KIF21B: variants seen among roughly 807,000 people sequenced by gnomAD.
KIF21B encodes kinesin family member 21B.
KIF21B carries 85 observed loss-of-function variants against 192.9 expected under a neutral mutation model. The ratio of observed to expected loss-of-function variants is 0.44; its 90% CI spans 0.37 to 0.53. KIF21B has a LOEUF of 0.53. Ranked by LOEUF, KIF21B falls within the 20% of genes least tolerant of loss-of-function variation. The pLI is 0.00. For missense variants in KIF21B, 1,716 were observed against 2,194.8 expected (o/e 0.78, Z 4.36); for synonymous variants, 832 against 884.6 (o/e 0.94, Z 1.05).
chr1:200,990,865 T>C lies in KIF21B; in HGVS notation c.2687+52A>G. ...TCTTCCTCACCCTGGCCCTGCCCCA[T>C]ATTCCCACCCCCTCTGCCTGCACAG... On this transcript the variant is annotated intron_variant, in intron 18 of 34. Coordinates refer to ENST00000461742, the MANE Select transcript of KIF21B (RefSeq NM_001252102.2). The surrounding 1 kb of genome is among the most constrained non-coding windows in gnomAD (Gnocchi z 5.4). 6.2e-7 allele frequency: 1 copy of C among 1,608,132 alleles called. No individual in the cohort carries two copies. The highest frequency in any genetic ancestry group is 8.5e-7 in the Non-Finnish European group (1 of 1,175,160).
rs532685076 is a variant in KIF21B, at chr1:200,970,856, C to T, written c.*2665G>A. 6.6e-6 allele frequency: 1 copy of T among 152,504 alleles called. No homozygotes were observed. The highest frequency in any genetic ancestry group is 1.9e-4 in the East Asian group (1 of 5,294). The allele number at this position is 152,504 out of a possible 1,614,324, so 9.4% of individuals were successfully genotyped here. ...AGATGTGGCTGGGCCTGACAAGGCTCAGCCTCCAGTCTTAAGATGGGCACA... is the reference window on the plus strand; with the variant it reads ...AGATGTGGCTGGGCCTGACAAGGCTTAGCCTCCAGTCTTAAGATGGGCACA... On this transcript the variant is annotated 3_prime_UTR_variant, in exon 35 of 35. Transcript: ENST00000461742.
chr1:200,982,889 C>CA lies in KIF21B; in HGVS notation c.3842+166dup, dbSNP rs1656034428. Among the ~76,000 whole-genome samples, 1 of 152,104 alleles carries CA rather than the reference C, an allele frequency of 6.6e-6. No individual in the cohort carries two copies. Among genetic ancestry groups the CA allele is most frequent in the Non-Finnish European group, 1.5e-5 (1 of 68,012 alleles). On this transcript the variant is annotated intron_variant, in intron 28 of 34. Coordinates refer to ENST00000461742, the MANE Select transcript of KIF21B (RefSeq NM_001252102.2). This position sits in a 1 kb window ranked among gnomAD's most constrained non-coding sequence, Gnocchi z 4.7. ...TGTGGCCACCCTGAGAGAGAGGAACCATGGGGGCAGGAACAGGTCTGGAGA... is the reference window on the plus strand; with the variant it reads ...TGTGGCCACCCTGAGAGAGAGGAACCAATGGGGGCAGGAACAGGTCTGGAGA...
At position 200,969,970 on chromosome 1, in the gene KIF21B, G is replaced by T. The variant is rs1655136997; in HGVS notation, c.*3551C>A. 6.6e-6 allele frequency: 1 copy of T among 152,622 alleles called. No homozygotes were observed. The highest frequency in any genetic ancestry group is 2.1e-4 in the South Asian group (1 of 4,836). 9.5% of individuals were successfully genotyped at this position (152,622 alleles called of 1,614,324 possible). ...GAGCAGCAAGCAGTTGCCTGTTTGG[G>T]ATGGCAAAGGGACACATACCACAGG... On this transcript the variant is annotated 3_prime_UTR_variant, in exon 35 of 35. Transcript: ENST00000461742.
chr1:201,012,297 C>A (rs1658280542), intron 1 of KIF21B, among the ~76,000 whole-genome samples: 1 of 152,104 alleles, frequency 6.6e-6, no homozygotes, highest in Non-Finnish European at 1.5e-5. Flanking sequence ...GGGGCATGGA[C>A]CCTGGTTGAG....
intron 3 of KIF21B, among the ~76,000 whole-genome samples, chr1:201,007,367 CACACAGAG>C (rs1657934179): frequency 1.0e-5 from 1 of 100,440 alleles, no homozygotes; most frequent in Non-Finnish European, 2.2e-5. Context: ...CACACACACA[CACACAGAG>C]ACAGAGACAC....
At position 200,999,978 on chromosome 1, in the gene KIF21B, A is replaced by G; in HGVS notation, c.1686-14T>C. The G allele has an allele frequency of 6.2e-7, 1 of 1,612,786 alleles. No homozygotes were observed. The highest frequency in any genetic ancestry group is 1.1e-5 in the South Asian group (1 of 91,060). ...TCCTTCTCGGGGCTGCTCAGGGAGGACAGGGAAGCTGGATTAGGAAGGCTG... is the reference window on the plus strand; with the variant it reads ...TCCTTCTCGGGGCTGCTCAGGGAGGGCAGGGAAGCTGGATTAGGAAGGCTG... On this transcript the variant is annotated splice_polypyrimidine_tract_variant and intron_variant, in intron 11 of 34. Transcript: ENST00000461742. This position sits in a 1 kb window ranked among gnomAD's most constrained non-coding sequence, Gnocchi z 4.7.
chr1:200,987,020 CTGACGG>C lies in KIF21B; in HGVS notation c.3584_3589del (p.Thr1195_Val1196del), dbSNP rs1461190349. The C allele has an allele frequency of 6.2e-7, 1 of 1,614,116 alleles. No individual in the cohort carries two copies. Among genetic ancestry groups the C allele is most frequent in the South Asian group, 1.1e-5 (1 of 91,076 alleles). On this transcript the variant is annotated inframe_deletion, in exon 25 of 35. Coordinates refer to ENST00000461742, the MANE Select transcript of KIF21B (RefSeq NM_001252102.2). ...CAAAGTGCTGCCCCGGGTAGGCAGA[CTGACGG>C]TGCGCGAGACCCTGTCCCGGTAATA...
chr1:200,973,453 C>A lies in KIF21B; in HGVS notation c.*68G>T. 1 of 1,384,722 alleles carries A rather than the reference C, an allele frequency of 7.2e-7. No homozygotes were observed. The highest frequency in any genetic ancestry group is 9.3e-7 in the Non-Finnish European group (1 of 1,077,672). 85.8% of individuals were successfully genotyped at this position (1,384,722 alleles called of 1,614,324 possible). On this transcript the variant is annotated 3_prime_UTR_variant, in exon 35 of 35. Coordinates refer to ENST00000461742, the MANE Select transcript of KIF21B (RefSeq NM_001252102.2). ...GCAGCTGGCCCCATCGGCCGGGTCA[C>A]AGCTTCCCTTCCATGGTGTCCAGGC...
At position 200,987,138 on chromosome 1, in the gene KIF21B, C is replaced by T; in HGVS notation, c.3472G>A (p.Asp1158Asn). ...TTGGTGATGTTCTTGGTGGAGATAT[C>T]CAGTGGGGGGCCCAGGCACTCAGCC... is the stretch of plus-strand genomic sequence containing the variant. Reference protein sequence around the residue: ...VSAECLGPPLDISTKNITKSL... With the variant: ...VSAECLGPPLNISTKNITKSL... Residue 1158 changes from aspartate to asparagine, a missense_variant, in exon 25 of 35, where the codon GAT becomes AAT. Asp to Asn is a conservative substitution (Grantham distance 23, BLOSUM62 1). Around this residue, in one of 3 missense-constraint regions of KIF21B, gnomAD observed 580 missense variants for 775.5 expected, o/e 0.75. Transcript: ENST00000461742. The T allele has an allele frequency of 1.2e-6, 2 of 1,614,050 alleles. No homozygotes were observed. The highest frequency in any genetic ancestry group is 1.1e-5 in the South Asian group (1 of 91,078).
Position 200,999,857 on chromosome 1 carries a change from G to A in KIF21B, c.1767+26C>T. The A allele has an allele frequency of 6.2e-7, 1 of 1,611,140 alleles. No homozygotes were observed. The highest frequency in any genetic ancestry group is 1.1e-5 in the South Asian group (1 of 91,060). On this transcript the variant is annotated intron_variant, in intron 12 of 34. Coordinates refer to ENST00000461742, the MANE Select transcript of KIF21B (RefSeq NM_001252102.2). This position sits in a 1 kb window ranked among gnomAD's most constrained non-coding sequence, Gnocchi z 4.7. ...CAGGGACACAAGGCATGCATGTGGTGAGGTGGGGCGGCCCGTGCTCCTCAC... is the reference window on the plus strand; with the variant it reads ...CAGGGACACAAGGCATGCATGTGGTAAGGTGGGGCGGCCCGTGCTCCTCAC...
chr1:201,020,072 A>G (rs909046766), intron 1 of KIF21B, among the ~76,000 whole-genome samples: 1 of 151,954 alleles, frequency 6.6e-6, no homozygotes, highest in Non-Finnish European at 1.5e-5. Flanking sequence ...TTAACCCTGT[A>G]GTATCAACAG....
chr1:200,981,219 C>A, intron 28 of KIF21B, 123 bp from the exon 29 acceptor site: 2 of 1,014,036 alleles, frequency 2.0e-6, no homozygotes, highest in South Asian at 3.8e-5. Flanking sequence ...ATAACAGAGA[C>A]TTTAAGGACT....
chr1:201,009,509 C>G, intron 1 of KIF21B, 21 bp from the exon 2 acceptor site: 16 of 1,608,116 alleles, frequency 9.9e-6, no homozygotes, highest in Non-Finnish European at 1.4e-5. Flanking sequence ...TGGAGAGAGC[C>G]CTGGGTCAGG....
intron 3 of KIF21B, among the ~76,000 whole-genome samples, chr1:201,007,095 G>C (rs28545575): frequency 4.0e-5 from 4 of 100,876 alleles, no homozygotes; most frequent in Middle Eastern, 8.2e-3. Context: ...CACAGAGACA[G>C]ACACACACAG....
At chr1:200,991,608 C>T (rs982812245) in intron 17 of KIF21B, 49 bp downstream of exon 17, 12 of 1,566,844 alleles carry the variant, frequency 7.7e-6, no homozygotes, top group Admixed American at 3.3e-5. Flanking sequence ...CATGCACGCA[C>T]ACATGTGCAG....
At chr1:200,995,045 C>T (rs1656959009) in intron 15 of KIF21B, among the ~76,000 whole-genome samples, 1 of 152,242 alleles carries the variant, frequency 6.6e-6, no homozygotes, top group Non-Finnish European at 1.5e-5. Context: ...TTGATGAAGC[C>T]TCCGGACCTG....
chr1:201,000,343 T>TGGGGCGGTCTGAGGGCTCTCA lies in KIF21B; in HGVS notation c.1685+26_1685+46dup, dbSNP rs1558016551. On this transcript the variant is annotated intron_variant, in intron 11 of 34. Coordinates refer to ENST00000461742, the MANE Select transcript of KIF21B (RefSeq NM_001252102.2). The surrounding 1 kb of genome is among the most constrained non-coding windows in gnomAD (Gnocchi z 6.0). Reference sequence around the variant, plus strand: ...CTCCTTGGGGACGGGCAGGGTCCACTGGGGCGGTCTGAGGGCTCTCAGGGG... The same window carrying TGGGGCGGTCTGAGGGCTCTCA: ...CTCCTTGGGGACGGGCAGGGTCCACTGGGGCGGTCTGAGGGCTCTCAGGGGCGGTCTGAGGGCTCTCAGGGG... 60 of 1,506,734 alleles carry TGGGGCGGTCTGAGGGCTCTCA rather than the reference T, an allele frequency of 4.0e-5. No homozygotes were observed. Among genetic ancestry groups the TGGGGCGGTCTGAGGGCTCTCA allele is most frequent in the Non-Finnish European group, 5.2e-5 (59 of 1,132,386 alleles). The allele number at this position is 1,506,734 out of a possible 1,614,324, so 93.3% of individuals were successfully genotyped here.
intron 31 of KIF21B, 42 bp from the exon 32 acceptor site, chr1:200,976,935 G>T: frequency 6.8e-7 from 1 of 1,471,124 alleles, no homozygotes; most frequent in South Asian, 1.2e-5. Context: ...GTGAATTAGA[G>T]GGGACCCTGG....
Position 200,985,171 on chromosome 1 carries a change from T to C in KIF21B, c.3690-199A>G, listed in dbSNP as rs180898406. On this transcript the variant is annotated intron_variant, in intron 26 of 34. Coordinates refer to ENST00000461742, the MANE Select transcript of KIF21B (RefSeq NM_001252102.2). ...ATCCTCATCATTCACAGATTCCATA[T>C]TTGGGAATTCACCTATTTATTAAAA... Among the ~76,000 whole-genome samples the C allele has an allele frequency of 3.0e-3, 460 of 152,312 alleles. 3 individuals carry two copies. The highest frequency in any genetic ancestry group is 6.6e-3 in the Admixed American group (101 of 15,308).
Sources: allele counts gnomAD v4.1 joint callset (sites outside exome capture counted in the v4.1 genomes callset), GRCh38; gene constraint gnomAD v4.1.1; regional missense constraint gnomAD v4.1.1; non-coding constraint Gnocchi (gnomAD v3.1); transcripts MANE v1.5; gene names NCBI Gene and HGNC (gene_info 2026-07-23, HGNC 2026-07-21).